Variants in SYTL3 observed in about 807,000 individuals in gnomAD.
SYTL3 encodes synaptotagmin-like protein 3.
A neutral mutation model predicts 82.1 loss-of-function variants in SYTL3; 88 were observed. That is an observed-to-expected ratio of 1.07 (90% CI 0.90 to 1.28). SYTL3 has a LOEUF of 1.28. SYTL3 is among the 50% of genes most tolerant of loss of function. The pLI is 0.00. For synonymous variants in SYTL3, 311 were observed against 289.4 expected (o/e 1.07, Z -0.76); for missense variants, 831 against 757.6 (o/e 1.10, Z -1.14).
In SYTL3 at chr6:158,763,293, T is replaced by C; in HGVS notation, c.1518-11T>C. The C allele has an allele frequency of 1.2e-6, 2 of 1,613,866 alleles. No individual in the cohort carries two copies. The highest frequency in any genetic ancestry group is 1.7e-4 in the Middle Eastern group (1 of 5,984). The stretch of plus-strand genomic sequence containing the variant: ...ATGGCAATGATTGCAGGGTTTGTGT[T>C]CCCTCTTCAGCTGTCTCACTCTGCC... On this transcript the variant is annotated splice_polypyrimidine_tract_variant and intron_variant, in intron 16 of 17. Transcript: ENST00000611299.
intron 4 of SYTL3, chr6:158,663,623 G>C: frequency 2.0e-6 from 2 of 985,186 alleles, no homozygotes; most frequent in Non-Finnish European, 1.2e-6. Flanking sequence ...GTGCCTTTGG[G>C]CGGTAAGTTT....
intron 11 of SYTL3, among the ~76,000 whole-genome samples, chr6:158,743,347 T>A (rs1787177914): frequency 6.6e-6 from 1 of 152,176 alleles, no homozygotes; most frequent in Non-Finnish European, 1.5e-5. Context: ...CTCTACAATC[T>A]CTTGAAATAG....
intron 6 of SYTL3, among the ~76,000 whole-genome samples, chr6:158,690,938 T>C: frequency 6.6e-6 from 1 of 151,662 alleles, no homozygotes; most frequent in Non-Finnish European, 1.5e-5. Context: ...GTGCAGAGGG[T>C]TTTTAATGTG....
At chr6:158,738,867 A>G (rs778974591) in intron 11 of SYTL3, among the ~76,000 whole-genome samples, 6 of 152,234 alleles carry the variant, frequency 3.9e-5, no homozygotes, top group Non-Finnish European at 8.8e-5. Flanking sequence ...CATGTTGGCC[A>G]GGCTGGTCTT....
chr6:158,732,348 G>A (rs1785513029), intron 11 of SYTL3, among the ~76,000 whole-genome samples: 1 of 152,348 alleles, frequency 6.6e-6, no homozygotes, highest in South Asian at 2.1e-4. Context: ...GCAAACGATA[G>A]CAATGAAGAC....
chr6:158,756,525 C>T (rs149723130), intron 13 of SYTL3, among the ~76,000 whole-genome samples: 4,218 of 152,116 alleles, frequency 0.028, 85 homozygotes, highest in South Asian at 0.055. Context: ...ACCTGGCCAA[C>T]GTGGTGAAAC....
chr6:158,761,254 T>G (rs1789882745), intron 15 of SYTL3, among the ~76,000 whole-genome samples: 1 of 146,076 alleles, frequency 6.8e-6, no homozygotes, highest in Admixed American at 6.9e-5. Flanking sequence ...AGCAGGAGGG[T>G]GGAGGAGGAG....
intron 6 of SYTL3, among the ~76,000 whole-genome samples, chr6:158,693,697 T>TTTTCTTTCTTTCCTTCTTTCTTTC (rs1562383788): frequency 3.1e-5 from 4 of 130,562 alleles, no homozygotes; most frequent in African/African-American, 4.3e-5. Flanking sequence ...TTTCTTTTCG[T>TTTTCTTTCTTTCCTTCTTTCTTTC]TTTCTTTCTT....
chr6:158,719,597 G>T (rs1395611744), intron 10 of SYTL3, among the ~76,000 whole-genome samples: 61 of 152,180 alleles, frequency 4.0e-4, no homozygotes, highest in Admixed American at 4.0e-3. Flanking sequence ...ACAAGTGTCA[G>T]CTCCTGTCAG....
At chr6:158,656,280 C>T (rs112362600) in intron 2 of SYTL3, among the ~76,000 whole-genome samples, 5 of 152,242 alleles carry the variant, frequency 3.3e-5, no homozygotes, top group African/African-American at 1.2e-4. Flanking sequence ...TTTCCTGTCA[C>T]CTGTCAGTCT....
chr6:158,648,238 A>T (rs1373771732), upstream of SYTL3, among the ~76,000 whole-genome samples: 1 of 151,966 alleles, frequency 6.6e-6, no homozygotes, highest in African/African-American at 2.4e-5. Flanking sequence ...GATTGCGGTG[A>T]GCTGAGATAG....
At chr6:158,696,791 A>G (rs755774056) in intron 6 of SYTL3, among the ~76,000 whole-genome samples, 2 of 152,116 alleles carry the variant, frequency 1.3e-5, no homozygotes, top group Non-Finnish European at 2.9e-5. Flanking sequence ...AAGCTACAGT[A>G]ATCAAAACAG....
chr6:158,715,536 G>T (rs1783268928), intron 9 of SYTL3, among the ~76,000 whole-genome samples: 1 of 150,630 alleles, frequency 6.6e-6, no homozygotes, highest in Non-Finnish European at 1.5e-5. Context: ...AGGTGTGGGG[G>T]AATTCACAAG....
At chr6:158,667,750 T>A (rs1244307836) in intron 5 of SYTL3, among the ~76,000 whole-genome samples, 1 of 152,210 alleles carries the variant, frequency 6.6e-6, no homozygotes, top group East Asian at 1.9e-4. Context: ...AGGGTAGCAA[T>A]GACCAAAACC....
At position 158,745,692 on chromosome 6, in the gene SYTL3, T is replaced by C. The variant is rs558797016; in HGVS notation, c.1034+34T>C. ...TTTTTTTTAAGTTTAACATGAGACA[T>C]ATTGATTCCAAAATGTATATGAAAA... On this transcript the variant is annotated intron_variant, in intron 12 of 17. Coordinates refer to ENST00000611299, the MANE Select transcript of SYTL3 (RefSeq NM_001242394.2). 2.8e-5 allele frequency: 41 copies of C among 1,484,838 alleles called. No homozygotes were observed. In the South Asian group the frequency reaches 4.9e-4, roughly 18 times the overall value. 92.0% of individuals were successfully genotyped at this position (1,484,838 alleles called of 1,614,324 possible).
chr6:158,763,602 T>A, intron 17 of SYTL3, 93 bp downstream of exon 17: 2 of 1,143,808 alleles, frequency 1.7e-6, no homozygotes, highest in Non-Finnish European at 2.6e-6. Context: ...GGCAGTGACT[T>A]AACTGGTTTT....
chr6:158,688,666 A>C (rs144204609), intron 6 of SYTL3, among the ~76,000 whole-genome samples: 260 of 152,348 alleles, frequency 1.7e-3, no homozygotes, highest in Non-Finnish European at 3.0e-3. Context: ...GCAATGTTAA[A>C]AATACAGCAG....
Position 158,762,124 on chromosome 6 carries a change from G to A in SYTL3, c.1463G>A (p.Gly488Glu), listed in dbSNP as rs765833533. 7 of 1,613,748 alleles carry A rather than the reference G, an allele frequency of 4.3e-6. No individual in the cohort carries two copies. The highest frequency in any genetic ancestry group is 2.2e-5 in the East Asian group (1 of 44,892). Reference sequence around the variant, plus strand: ...GGTCAACTTTGTTTGGTAGTGCTAGGAGCCAAGAATTTACCTGTGCGGCCA... The same window carrying A: ...GGTCAACTTTGTTTGGTAGTGCTAGAAGCCAAGAATTTACCTGTGCGGCCA... ...LHGQLCLVVL[G>E]AKNLPVRPDG... is the part of the protein sequence containing the mutation. The change falls in exon 16 of 18, where the codon GGA (glycine) becomes GAA (glutamate). Residue 488 changes from glycine to glutamate, a missense_variant. Gly to Glu is a moderately conservative substitution (Grantham distance 98). Transcript: ENST00000611299.
At chr6:158,701,080 C>T (rs1051699927) in intron 6 of SYTL3, among the ~76,000 whole-genome samples, 28 of 150,916 alleles carry the variant, frequency 1.9e-4, no homozygotes, top group Non-Finnish European at 4.0e-4. Context: ...ACAGTAACCA[C>T]AATGGGGCCA....
Sources: gnomAD v4.1 joint callset for allele counts (sites outside exome capture counted in the v4.1 genomes callset) on GRCh38, gnomAD v4.1.1 for gene constraint, MANE v1.5 for transcripts, NCBI Gene and HGNC (gene_info 2026-07-23, HGNC 2026-07-21) for gene names.